The following SPDYE10 variants were observed in gnomAD, a reference collection of about 807,000 sequenced individuals.
SPDYE10 encodes the protein speedy protein E10.
At chr7:73,128,229 C>T in the SPDYE10 span, among the ~76,000 whole-genome samples, 19 of 149,184 alleles carry the variant, frequency 1.3e-4, no homozygotes, top group East Asian at 3.7e-3. Flanking sequence ...AAGCAGGTTG[C>T]AGAAGGATAC....
At chr7:73,151,820 TTTAA>T in the SPDYE10 span, among the ~76,000 whole-genome samples, 1 of 90,418 alleles carries the variant, frequency 1.1e-5, no homozygotes, top group Admixed American at 1.1e-4. Flanking sequence ...ACCCAGCCTG[TTTAA>T]TTATTTTTTT....
At chr7:73,154,975 GCGCCGCTGCTC>G in the SPDYE10 span, 1 of 151,288 alleles carries the variant, frequency 6.6e-6, no homozygotes, top group Non-Finnish European at 1.5e-5. Context: ...CGGGCGCCGC[GCGCCGCTGCTC>G]CGCCGCTCGG....
the SPDYE10 span, among the ~76,000 whole-genome samples, chr7:73,128,024 A>G: frequency 6.8e-6 from 1 of 146,736 alleles, no homozygotes; most frequent in Admixed American, 6.8e-5. Context: ...TGTTTATTGC[A>G]ACATTGTTTA....
At chr7:73,135,037 C>T in the SPDYE10 span, among the ~76,000 whole-genome samples, 2 of 152,300 alleles carry the variant, frequency 1.3e-5, no homozygotes, top group Non-Finnish European at 2.9e-5. Flanking sequence ...CTATGGACAG[C>T]CTGGAGCTGT....
At chr7:73,120,787 CAAAA>C in the SPDYE10 span, among the ~76,000 whole-genome samples, 2 of 147,436 alleles carry the variant, frequency 1.4e-5, no homozygotes, top group Admixed American at 6.6e-5. Context: ...GATTCTGTCT[CAAAA>C]AAAAAAAAAA....
chr7:73,152,304 C>T, the SPDYE10 span, among the ~76,000 whole-genome samples: 6 of 141,414 alleles, frequency 4.2e-5, no homozygotes, highest in African/African-American at 1.6e-4. Flanking sequence ...TGAGCCACTG[C>T]ACCCTGCCAG....
the SPDYE10 span, among the ~76,000 whole-genome samples, chr7:73,138,474 G>C: frequency 6.7e-6 from 1 of 149,812 alleles, no homozygotes; most frequent in Non-Finnish European, 1.5e-5. Flanking sequence ...CGCCTCCCAG[G>C]TTCAAGCGAT....
At chr7:73,122,528 G>A in the SPDYE10 span, among the ~76,000 whole-genome samples, 1 of 150,832 alleles carries the variant, frequency 6.6e-6, no homozygotes, top group East Asian at 1.9e-4. Context: ...AGGTTGCAGT[G>A]AGCTGAGATA....
chr7:73,134,352 C>T, the SPDYE10 span, among the ~76,000 whole-genome samples: 22 of 141,490 alleles, frequency 1.6e-4, no homozygotes, highest in Non-Finnish European at 3.1e-4. Flanking sequence ...TGGGGAACAT[C>T]ACACACCAGG....
chr7:73,141,072 A>G, the SPDYE10 span, among the ~76,000 whole-genome samples: 1 of 3,596 alleles, frequency 2.8e-4, no homozygotes, highest in Admixed American at 3.5e-3. Context: ...CATTTCTACC[A>G]CACACACACA....
the SPDYE10 span, among the ~76,000 whole-genome samples, chr7:73,123,431 T>C: frequency 5.9e-5 from 9 of 152,182 alleles, no homozygotes; most frequent in Non-Finnish European, 1.0e-4. Context: ...CACTGGTAAC[T>C]GGTAACTTCC....
the SPDYE10 span, among the ~76,000 whole-genome samples, chr7:73,116,856 C>T: frequency 2.0e-5 from 3 of 150,062 alleles, no homozygotes; most frequent in Non-Finnish European, 4.4e-5. Context: ...GCTGCAATTA[C>T]AGGCATGAGC....
chr7:73,143,272 A>T, the SPDYE10 span, among the ~76,000 whole-genome samples: 1 of 152,122 alleles, frequency 6.6e-6, no homozygotes, highest in East Asian at 1.9e-4. Context: ...TTATAAAGAA[A>T]AGAGGTGTAT....
At chr7:73,113,751 C>G in the SPDYE10 span, among the ~76,000 whole-genome samples, 12 of 151,566 alleles carry the variant, frequency 7.9e-5, no homozygotes, top group South Asian at 1.0e-3. Context: ...AAAAATTAGA[C>G]GGGGCCAGGT....
chr7:73,150,646 C>T, the SPDYE10 span, among the ~76,000 whole-genome samples: 1 of 151,546 alleles, frequency 6.6e-6, no homozygotes, highest in East Asian at 1.9e-4. Flanking sequence ...TCACTTGACC[C>T]TGGTAGGAGG....
the SPDYE10 span, among the ~76,000 whole-genome samples, chr7:73,128,506 G>A: frequency 7.0e-6 from 1 of 142,390 alleles, no homozygotes. Flanking sequence ...AGCATTTTGA[G>A]TCTGTCTTCT....
the SPDYE10 span, among the ~76,000 whole-genome samples, chr7:73,127,316 C>T: frequency 1.2e-5 from 1 of 83,740 alleles, no homozygotes; most frequent in African/African-American, 4.8e-5. Flanking sequence ...TTTGGGAGGC[C>T]GATGTGGGCA....
the SPDYE10 span, among the ~76,000 whole-genome samples, chr7:73,126,863 G>C: frequency 6.7e-6 from 1 of 149,306 alleles, no homozygotes; most frequent in Non-Finnish European, 1.5e-5. Context: ...TTAGAGATGG[G>C]ATCTTGCTAT....
the SPDYE10 span, among the ~76,000 whole-genome samples, chr7:73,149,594 A>T: frequency 1.1e-4 from 17 of 152,296 alleles, no homozygotes; most frequent in African/African-American, 3.9e-4. Context: ...GCCAACAGCT[A>T]TTTTTTTATT....
Sources: allele counts gnomAD v4.1 joint callset (sites outside exome capture counted in the v4.1 genomes callset), GRCh38; gene constraint gnomAD v4.1.1; transcripts MANE v1.5; gene names NCBI Gene and HGNC (gene_info 2026-07-23, HGNC 2026-07-21).